The following RANBP2 variants were observed in gnomAD, a reference collection of about 807,000 sequenced individuals.
The protein encoded by RANBP2 is RAN binding protein 2, also known as E3 SUMO-protein ligase RanBP2.
Under a neutral mutation model 303.6 loss-of-function variants are expected in RANBP2, and 57 were observed. The ratio of observed to expected loss-of-function variants is 0.19; its 90% CI spans 0.15 to 0.23. The LOEUF (loss-of-function observed/expected upper bound fraction) is 0.23, where lower values mean the gene tolerates loss of function less well. Among genes scored for constraint, RANBP2 ranks in the 10% least tolerant of loss-of-function variants. The probability of loss-of-function intolerance (pLI) is 1.00; values close to 1 mark genes in which losing one functional copy is unlikely to be tolerated. For synonymous variants in RANBP2, 1,167 were observed against 1,301.5 expected (o/e 0.90, Z 2.23); for missense variants, 3,138 against 3,780.8 (o/e 0.83, Z 4.46).
intron 18 of RANBP2, among the ~76,000 whole-genome samples, chr2:108,760,731 T>C (rs1391557597): frequency 1.3e-5 from 2 of 152,196 alleles, no homozygotes; most frequent in Non-Finnish European, 2.9e-5. Flanking sequence ...CCCAGTTGTT[T>C]GGTTTCTTGG....
chr2:109,305,050 C>T, the RANBP2 span, among the ~76,000 whole-genome samples: 15 of 152,280 alleles, frequency 9.9e-5, no homozygotes, highest in Admixed American at 6.5e-4. Context: ...GGGTTTGTTG[C>T]GGTTCCCCGT....
Position 108,764,358 on chromosome 2 carries a change from T to C in RANBP2, c.3819T>C (p.Asp1273=), listed in dbSNP as rs2149273797. The change falls in exon 20 of 29, where the codon GAT becomes GAC. Residue 1273 remains aspartate (D), a synonymous_variant. Transcript: ENST00000283195. ...SFVWHALDYA[D]ELPKPEQLAI... ...TATGGCATGCCCTTGATTATGCAGA[T>C]GAGTTGCCAAAACCAGAACAACTTG... 6.2e-7 allele frequency: 1 copy of C among 1,613,864 alleles called. No individual in the cohort carries two copies. The highest frequency in any genetic ancestry group is 8.5e-7 in the Non-Finnish European group (1 of 1,179,976).
chr2:108,865,143 T>C, the RANBP2 span, among the ~76,000 whole-genome samples: 2 of 152,008 alleles, frequency 1.3e-5, no homozygotes, highest in Non-Finnish European at 2.9e-5. Flanking sequence ...TTATATATAT[T>C]TTATATAGAT....
At chr2:108,922,687 G>T in the RANBP2 span, among the ~76,000 whole-genome samples, 2 of 152,014 alleles carry the variant, frequency 1.3e-5, no homozygotes, top group African/African-American at 4.8e-5. Context: ...CCAGAGGGTG[G>T]CAAGTGCTCC....
chr2:109,347,648 G>T, the RANBP2 span: 1 of 1,608,202 alleles, frequency 6.2e-7, no homozygotes, highest in South Asian at 1.1e-5. Flanking sequence ...CATGCCCGGT[G>T]ACCACATGCT....
At chr2:109,391,905 C>T in the RANBP2 span, among the ~76,000 whole-genome samples, 10 of 152,020 alleles carry the variant, frequency 6.6e-5, no homozygotes, top group South Asian at 4.2e-4. Context: ...AGTGGCGTGA[C>T]CTCTCAGGCT....
chr2:108,839,234 T>A, the RANBP2 span: 5 of 1,612,554 alleles, frequency 3.1e-6, no homozygotes, highest in Non-Finnish European at 4.2e-6. Flanking sequence ...TTTGTGAATA[T>A]CAAACTTCAC....
chr2:109,479,918 C>A, the RANBP2 span, among the ~76,000 whole-genome samples: 1 of 152,140 alleles, frequency 6.6e-6, no homozygotes, highest in Non-Finnish European at 1.5e-5. Context: ...GGAGCTCTTG[C>A]TCCAGCCCAG....
chr2:109,254,914 T>G, the RANBP2 span, among the ~76,000 whole-genome samples: 2 of 152,184 alleles, frequency 1.3e-5, no homozygotes, highest in Admixed American at 6.5e-5. Context: ...TGTGACCCAC[T>G]CTGGTCTCAA....
the RANBP2 span, among the ~76,000 whole-genome samples, chr2:109,424,933 T>C: frequency 1.3e-5 from 2 of 152,208 alleles, no homozygotes; most frequent in Non-Finnish European, 2.9e-5. Context: ...GAGGAAGTCA[T>C]GTCAAAAGCT....
At chr2:108,756,726 A>T (rs1370858338) in intron 17 of RANBP2, among the ~76,000 whole-genome samples, 2 of 152,234 alleles carry the variant, frequency 1.3e-5, no homozygotes, top group African/African-American at 4.8e-5. Context: ...TCTGCCATTA[A>T]TTAATGATCT....
the RANBP2 span, among the ~76,000 whole-genome samples, chr2:109,202,899 C>T: frequency 2.0e-5 from 3 of 152,144 alleles, no homozygotes; most frequent in South Asian, 2.1e-4. Context: ...AGTTTTGTCC[C>T]GATAGTAATG....
chr2:109,374,992 A>G, the RANBP2 span, among the ~76,000 whole-genome samples: 9 of 152,192 alleles, frequency 5.9e-5, no homozygotes, highest in Non-Finnish European at 1.0e-4. Flanking sequence ...AAGGGCACAC[A>G]CCTGGCCTGG....
chr2:109,656,035 A>T, the RANBP2 span, among the ~76,000 whole-genome samples: 1 of 152,184 alleles, frequency 6.6e-6, no homozygotes, highest in East Asian at 1.9e-4. Context: ...AGTCTAGTTC[A>T]AGTGATATCT....
At chr2:109,319,699 G>A in the RANBP2 span, among the ~76,000 whole-genome samples, 1 of 152,194 alleles carries the variant, frequency 6.6e-6, no homozygotes, top group African/African-American at 2.4e-5. Flanking sequence ...GAAGAGTGCC[G>A]TGCCGGAGCC....
At chr2:109,405,548 T>G in the RANBP2 span, among the ~76,000 whole-genome samples, 1 of 152,180 alleles carries the variant, frequency 6.6e-6, no homozygotes, top group Non-Finnish European at 1.5e-5. Flanking sequence ...CTGCCGTAGC[T>G]AATCCCTTCC....
the RANBP2 span, among the ~76,000 whole-genome samples, chr2:109,447,147 T>TAAAAAAAA: frequency 1.2e-5 from 1 of 82,706 alleles, no homozygotes. Context: ...CCTGAATATT[T>TAAAAAAAA]AAAAAAAAAA....
the RANBP2 span, among the ~76,000 whole-genome samples, chr2:108,914,371 G>A: frequency 6.6e-6 from 1 of 152,196 alleles, no homozygotes; most frequent in Non-Finnish European, 1.5e-5. Context: ...GACTTTTGCT[G>A]TATTTCTGCC....
chr2:109,719,500 C>T, the RANBP2 span, among the ~76,000 whole-genome samples: 11 of 149,006 alleles, frequency 7.4e-5, no homozygotes, highest in East Asian at 2.0e-4. Flanking sequence ...TCTGGCTCCC[C>T]GGTTCAAGCA....
Sources: allele counts gnomAD v4.1 joint callset (sites outside exome capture counted in the v4.1 genomes callset), GRCh38; gene constraint gnomAD v4.1.1; transcripts MANE v1.5; gene names NCBI Gene and HGNC (gene_info 2026-07-23, HGNC 2026-07-21).